Variants in EFCAB6 observed in about 807,000 individuals in gnomAD.
EFCAB6 encodes the protein EF-hand calcium-binding domain-containing protein 6.
In EFCAB6, 156 loss-of-function variants were observed where a neutral mutation model predicts 169.8. That is an observed-to-expected ratio of 0.92 (90% CI 0.81 to 1.05). The LOEUF (loss-of-function observed/expected upper bound fraction) is 1.05, where lower values mean the gene tolerates loss of function less well. Ranked by LOEUF, EFCAB6 falls within the 50% of genes least tolerant of loss-of-function variation. EFCAB6 has a pLI of 0.00. For synonymous variants in EFCAB6, 698 were observed against 676.4 expected (o/e 1.03, Z -0.50); for missense variants, 1,800 against 1,829.1 (o/e 0.98, Z 0.29).
intron 26 of EFCAB6, among the ~76,000 whole-genome samples, chr22:43,566,519 C>CT (rs2049440399): frequency 6.6e-6 from 1 of 152,212 alleles, no homozygotes; most frequent in African/African-American, 2.4e-5. Context: ...CTGGTCCTCA[C>CT]ATCACCCTGA....
Position 43,534,684 on chromosome 22 carries a change from A to T in EFCAB6, c.4233+4T>A. 6.3e-7 allele frequency: 1 copy of T among 1,591,874 alleles called. No homozygotes were observed. Among genetic ancestry groups the T allele is most frequent in the African/African-American group, 1.4e-5 (1 of 73,732 alleles). On this transcript the variant is annotated splice_donor_region_variant and intron_variant, in intron 30 of 31. Transcript: ENST00000262726. ...CCCACATTTCCTGCAGGTGGGCAAC[A>T]TACCATCTTGTGTGCATTCTGGATC... is the stretch of plus-strand genomic sequence containing the variant.
chr22:43,692,133 C>A (rs2058434171), intron 10 of EFCAB6, among the ~76,000 whole-genome samples: 1 of 152,174 alleles, frequency 6.6e-6, no homozygotes, highest in African/African-American at 2.4e-5. Flanking sequence ...GGCTCCTGAA[C>A]CTCTCCTGCT....
At chr22:43,716,502 T>C (rs894222005) in intron 9 of EFCAB6, among the ~76,000 whole-genome samples, 2 of 152,188 alleles carry the variant, frequency 1.3e-5, no homozygotes, top group African/African-American at 2.4e-5. Flanking sequence ...GAATAGGTAG[T>C]AATACTAAAT....
At position 43,700,333 on chromosome 22, in the gene EFCAB6, T is replaced by C. The variant is rs920142524; in HGVS notation, c.1031+11142A>G. On this transcript the variant is annotated intron_variant, in intron 10 of 31. Transcript: ENST00000262726. Reference sequence around the variant, plus strand: ...AGATATCTGTTTTTTGTACTATCCATTATTAAATTGGATGGTAAGAATAGG... The same window carrying C: ...AGATATCTGTTTTTTGTACTATCCACTATTAAATTGGATGGTAAGAATAGG... Among the ~76,000 whole-genome samples, 21 of 152,190 alleles carry C rather than the reference T, an allele frequency of 1.4e-4. 1 individual carries two copies. Among genetic ancestry groups the C allele is most frequent in the Admixed American group, 1.1e-3 (17 of 15,270 alleles).
At chr22:43,612,698 C>G (rs2053401899) in intron 21 of EFCAB6, among the ~76,000 whole-genome samples, 1 of 152,042 alleles carries the variant, frequency 6.6e-6, no homozygotes, top group African/African-American at 2.4e-5. Context: ...TCGAGACCAG[C>G]CTGGCCAACA....
At chr22:43,778,363 G>A (rs774723975) in intron 3 of EFCAB6, among the ~76,000 whole-genome samples, 20 of 152,180 alleles carry the variant, frequency 1.3e-4, no homozygotes, top group Non-Finnish European at 2.1e-4. Context: ...CATGGCACAC[G>A]AGGTTTTGCA....
At chr22:43,755,742 T>C in intron 6 of EFCAB6, 24 bp downstream of exon 6, 2 of 1,577,314 alleles carry the variant, frequency 1.3e-6, no homozygotes, top group Non-Finnish European at 1.7e-6. Context: ...TGGGGGGAAA[T>C]CATTTCTTTA....
chr22:43,754,935 T>C (rs907422717), intron 6 of EFCAB6, among the ~76,000 whole-genome samples: 3 of 152,188 alleles, frequency 2.0e-5, no homozygotes, highest in Admixed American at 6.5e-5. Flanking sequence ...ATATCAACTA[T>C]AGTGAAACAG....
At chr22:43,623,908 C>G in intron 20 of EFCAB6, among the ~76,000 whole-genome samples, 1 of 94,816 alleles carries the variant, frequency 1.1e-5, no homozygotes, top group East Asian at 2.6e-4. Flanking sequence ...GACTCCTTCT[C>G]AAAAAAAAAA....
chr22:43,604,069 T>C lies in EFCAB6; in HGVS notation c.2682-3806A>G, dbSNP rs556438493. ...AAGAAGCGCTGGCTCCCTTTTTTTT[T>C]CCTTCCACCATGATTGTAAGTTTCC... On this transcript the variant is annotated intron_variant, in intron 22 of 31. Transcript: ENST00000262726. 3.9e-5 allele frequency among the ~76,000 whole-genome samples: 6 copies of C among 152,242 alleles called. 1 individual carries two copies. The South Asian group carries it at 1.0e-3, about 26-fold the overall frequency.
chr22:43,704,821 C>T (rs2058896342), intron 10 of EFCAB6, among the ~76,000 whole-genome samples: 1 of 149,624 alleles, frequency 6.7e-6, no homozygotes, highest in African/African-American at 2.4e-5. Context: ...AGGAAGATAC[C>T]AAGAGAGGAA....
chr22:43,648,938 C>CCG, intron 17 of EFCAB6, among the ~76,000 whole-genome samples: 1 of 152,180 alleles, frequency 6.6e-6, no homozygotes, highest in South Asian at 2.1e-4. Context: ...CTCCCCATCC[C>CCG]CGCCAAGCTT....
intron 2 of EFCAB6, among the ~76,000 whole-genome samples, chr22:43,789,532 G>A (rs1423596389): frequency 1.3e-5 from 2 of 152,164 alleles, no homozygotes; most frequent in Non-Finnish European, 2.9e-5. Flanking sequence ...GAGTCACAGC[G>A]GTGTCCTGCT....
intron 9 of EFCAB6, among the ~76,000 whole-genome samples, chr22:43,713,369 G>A (rs2059226250): frequency 2.6e-5 from 4 of 152,112 alleles, no homozygotes; most frequent in African/African-American, 9.7e-5. Context: ...CTAAACAAAA[G>A]TTATAAAATA....
chr22:43,722,308 C>T (rs761441121), intron 8 of EFCAB6, among the ~76,000 whole-genome samples: 5 of 151,940 alleles, frequency 3.3e-5, no homozygotes, highest in Non-Finnish European at 5.9e-5. Context: ...GGGCAGATCA[C>T]GAGGTCAAGA....
At chr22:43,733,130 C>T (rs553801265) in intron 7 of EFCAB6, among the ~76,000 whole-genome samples, 4 of 152,158 alleles carry the variant, frequency 2.6e-5, no homozygotes, top group South Asian at 2.1e-4. Context: ...TAGGTGTGAT[C>T]GCTGCCAGAT....
In EFCAB6 at chr22:43,528,964, C is replaced by T; in HGVS notation, c.4395G>A (p.Gln1465=). ...CTTCCTCAGAGAGGTTGATGCTGTA[C>T]TGTCTCAGGACCTGGAAGACAGAGA... The part of the protein sequence containing the change: ...SVADFRTVLR[Q]YSINLSEEEF... Residue 1465 remains glutamine, a synonymous_variant, in exon 32 of 32, where the codon CAG becomes CAA. Transcript: ENST00000262726. 6.3e-7 allele frequency: 1 copy of T among 1,591,710 alleles called. No individual in the cohort carries two copies. The highest frequency in any genetic ancestry group is 8.6e-7 in the Non-Finnish European group (1 of 1,161,914).
At chr22:43,787,767 T>C (rs2062133903) in intron 2 of EFCAB6, among the ~76,000 whole-genome samples, 4 of 151,916 alleles carry the variant, frequency 2.6e-5, no homozygotes. Flanking sequence ...GGACCCAGAA[T>C]AGCCAAAATG....
chr22:43,796,576 G>A (rs149875275), intron 2 of EFCAB6, among the ~76,000 whole-genome samples: 11 of 152,022 alleles, frequency 7.2e-5, no homozygotes, highest in African/African-American at 1.7e-4. Context: ...TACGGCAACC[G>A]AGAAAAAACA....
Sources: allele counts gnomAD v4.1 joint callset (sites outside exome capture counted in the v4.1 genomes callset), GRCh38; gene constraint gnomAD v4.1.1; transcripts MANE v1.5; gene names NCBI Gene and HGNC (gene_info 2026-07-23, HGNC 2026-07-21).